Variants in EFR3A observed in about 807,000 individuals in gnomAD.
The protein encoded by EFR3A is protein EFR3 homolog A.
In EFR3A, 76 loss-of-function variants were observed where a neutral mutation model predicts 104.4. The ratio of observed to expected loss-of-function variants is 0.73; its 90% confidence interval spans 0.60 to 0.88. EFR3A has a LOEUF of 0.88. EFR3A is among the 40% of genes least tolerant of loss of function. The pLI is 0.00. For missense variants in EFR3A, 985 were observed against 1,012.5 expected, an observed-to-expected ratio of 0.97 and a Z score of 0.37; for synonymous variants, 330 against 330.0, an observed-to-expected ratio of 1.00 and a Z score of 0.00.
intron 15 of EFR3A, 100 bp downstream of exon 15, chr8:131,984,400 A>G (rs879280935): frequency 2.5e-5 from 29 of 1,172,682 alleles, no homozygotes; most frequent in Non-Finnish European, 3.3e-5. Context: ...TTTAAAAGGG[A>G]GGTATCTAGT....
intron 15 of EFR3A, among the ~76,000 whole-genome samples, 185 bp downstream of exon 15, chr8:131,984,485 C>CTCA: frequency 6.6e-6 from 1 of 152,150 alleles, no homozygotes; most frequent in South Asian, 2.1e-4. Flanking sequence ...TGAGCATCAA[C>CTCA]TGGTGTGCTA....
chr8:131,926,039 A>G (rs1817281992), intron 1 of EFR3A, among the ~76,000 whole-genome samples: 1 of 152,176 alleles, frequency 6.6e-6, no homozygotes, highest in Non-Finnish European at 1.5e-5. Context: ...CAGTCAGTGA[A>G]TAAAATAGTT....
At chr8:131,968,252 C>T (rs910060847) in intron 8 of EFR3A, 43 bp from the exon 9 acceptor site, 1 of 1,589,794 alleles carries the variant, frequency 6.3e-7, no homozygotes, top group South Asian at 1.1e-5. Context: ...TGCCAAGGTA[C>T]ATGTACTTTT....
At chr8:131,948,828 G>C (rs1237915346) in intron 4 of EFR3A, among the ~76,000 whole-genome samples, 1 of 151,958 alleles carries the variant, frequency 6.6e-6, no homozygotes, top group African/African-American at 2.4e-5. Context: ...TTTTCTTAGT[G>C]GTGCTGAGTG....
intron 10 of EFR3A, among the ~76,000 whole-genome samples, chr8:131,971,216 GA>G (rs1231418163): frequency 6.6e-6 from 1 of 152,002 alleles, no homozygotes; most frequent in African/African-American, 2.4e-5. Context: ...GTACTATATT[GA>G]CTTTTTTCCT....
chr8:132,001,173 A>C (rs541780585), intron 19 of EFR3A, among the ~76,000 whole-genome samples: 2 of 152,326 alleles, frequency 1.3e-5, no homozygotes, highest in East Asian at 3.9e-4. Context: ...TGAAAGACAT[A>C]AGTTAAAAGG....
intron 11 of EFR3A, 145 bp downstream of exon 11, chr8:131,976,286 T>C: frequency 1.6e-6 from 1 of 616,700 alleles, no homozygotes; most frequent in Non-Finnish European, 2.9e-6. Flanking sequence ...ATTATGACAG[T>C]AGATTGCTAA....
chr8:131,959,778 T>G, intron 8 of EFR3A, 115 bp downstream of exon 8: 3 of 602,930 alleles, frequency 5.0e-6, no homozygotes, highest in Non-Finnish European at 8.2e-6. Context: ...TGCTCTTAAT[T>G]TAGCTCTTTT....
rs1403381955 is a variant in EFR3A, at chr8:131,978,934, G to C, written c.1414G>C (p.Asp472His). ...DPLLSPSLME[D>H]YELRQLVLEV... is the part of the protein sequence containing the mutation. ...TTTGTTATCACCATCTCTCATGGAG[G>C]ACTACGAACTGAGACAGTTGGTCTT... The change falls in exon 13 of 23, where the codon GAC becomes CAC. Residue 472 changes from aspartate (D) to histidine (H), a missense_variant. By Grantham distance (81) the Asp-to-His change is moderately conservative. Transcript: ENST00000254624. 1 of 1,613,156 alleles carries C rather than the reference G, an allele frequency of 6.2e-7. No individual in the cohort carries two copies. The highest frequency in any genetic ancestry group is 1.7e-5 in the Admixed American group (1 of 59,982).
chr8:131,935,340 A>G (rs894318526), intron 1 of EFR3A, among the ~76,000 whole-genome samples: 4 of 152,322 alleles, frequency 2.6e-5, no homozygotes, highest in African/African-American at 7.2e-5. Context: ...ATGCATAACA[A>G]TGAGTAAGAT....
At chr8:131,985,143 G>A (rs901409812) in intron 16 of EFR3A, 83 bp downstream of exon 16, 21 of 1,350,288 alleles carry the variant, frequency 1.6e-5, no homozygotes, top group South Asian at 2.8e-5. Flanking sequence ...TTTTAACTTT[G>A]GTGATTACGT....
chr8:131,963,213 C>G (rs981835925), intron 8 of EFR3A, among the ~76,000 whole-genome samples: 9 of 152,132 alleles, frequency 5.9e-5, no homozygotes, highest in Non-Finnish European at 1.2e-4. Context: ...CAAGAAATAA[C>G]TAAGATCAGA....
At chr8:131,931,614 C>T (rs964528465) in intron 1 of EFR3A, among the ~76,000 whole-genome samples, 1 of 152,044 alleles carries the variant, frequency 6.6e-6, no homozygotes, top group Non-Finnish European at 1.5e-5. Context: ...TTGCAAATTT[C>T]ACAATGCCTT....
chr8:132,003,419 A>T, intron 22 of EFR3A, 134 bp downstream of exon 22: 1 of 816,314 alleles, frequency 1.2e-6, no homozygotes, highest in Non-Finnish European at 1.9e-6. Context: ...TTAACATAAG[A>T]TCATATAGGT....
At chr8:131,906,251 A>G (rs1391897717) in intron 1 of EFR3A, among the ~76,000 whole-genome samples, 2 of 152,226 alleles carry the variant, frequency 1.3e-5, no homozygotes, top group African/African-American at 4.8e-5. Flanking sequence ...ATATATATCC[A>G]ACACAGAGAT....
intron 7 of EFR3A, among the ~76,000 whole-genome samples, chr8:131,959,129 G>T (rs555740441): frequency 6.6e-6 from 1 of 152,246 alleles, no homozygotes; most frequent in East Asian, 1.9e-4. Context: ...CAATAAAGCT[G>T]GTTTCGATAT....
chr8:131,932,385 T>G (rs1487027893), intron 1 of EFR3A, among the ~76,000 whole-genome samples: 1 of 152,102 alleles, frequency 6.6e-6, no homozygotes, highest in Non-Finnish European at 1.5e-5. Flanking sequence ...ACAAAAGCAG[T>G]TTTCAAAAAG....
At chr8:131,916,019 G>C (rs904442514) in intron 1 of EFR3A, among the ~76,000 whole-genome samples, 1 of 152,184 alleles carries the variant, frequency 6.6e-6, no homozygotes, top group Admixed American at 6.5e-5. Context: ...TGCTCAGCAC[G>C]TAGTTAAACT....
chr8:131,945,163 A>G lies in EFR3A; in HGVS notation c.215+291A>G, dbSNP rs534662081. Among the ~76,000 whole-genome samples the G allele has an allele frequency of 1.8e-3, 279 of 151,630 alleles. 2 individuals are homozygous for G. The highest frequency in any genetic ancestry group is 6.6e-3 in the African/African-American group (271 of 41,076). ...AATGGGAAATAGTAGAAATTGACTC[A>G]CTTAGTCTATCAGTGCAATACTGTA... On this transcript the variant is annotated intron_variant, in intron 3 of 22. Transcript: ENST00000254624.
Sources: allele counts gnomAD v4.1 joint callset (sites outside exome capture counted in the v4.1 genomes callset), GRCh38; gene constraint gnomAD v4.1.1; transcripts MANE v1.5; gene names NCBI Gene and HGNC (gene_info 2026-07-23, HGNC 2026-07-21).